DPP10: variants seen among roughly 807,000 people sequenced by gnomAD.
DPP10 encodes the protein inactive dipeptidyl peptidase 10.
A neutral mutation model predicts 120.9 loss-of-function variants in DPP10; 33 were observed. That is an observed-to-expected ratio of 0.27 (90% CI 0.21 to 0.37). The LOEUF (loss-of-function observed/expected upper bound fraction) is 0.37. Ranked by LOEUF, DPP10 falls within the 10% of genes least tolerant of loss-of-function variation. The pLI is 1.00. For synonymous variants in DPP10, 337 were observed against 326.1 expected, an observed-to-expected ratio of 1.03 and a Z score of -0.36; for missense variants, 816 against 942.8, an observed-to-expected ratio of 0.87 and a Z score of 1.76.
chr2:115,127,409 C>A (rs1163825306), intron 1 of DPP10, among the ~76,000 whole-genome samples: 1 of 152,188 alleles, frequency 6.6e-6, no homozygotes, highest in African/African-American at 2.4e-5. Context: ...TGCTTAGACT[C>A]ACAGAGGGAG....
At chr2:115,509,987 G>A (rs4556986) in intron 4 of DPP10, among the ~76,000 whole-genome samples, 30,437 of 151,970 alleles carry the variant, frequency 0.2, 3,748 homozygotes, top group East Asian at 0.39. Flanking sequence ...TGTGCTTATT[G>A]ATCATTTGTA....
chr2:115,006,009 A>C (rs1309489526), intron 1 of DPP10, among the ~76,000 whole-genome samples: 1 of 152,134 alleles, frequency 6.6e-6, no homozygotes, highest in African/African-American at 2.4e-5. Context: ...TCAGACTAAC[A>C]GTGGATCTCT....
At chr2:114,720,835 C>G (rs1701658793) in intron 1 of DPP10, among the ~76,000 whole-genome samples, 1 of 152,166 alleles carries the variant, frequency 6.6e-6, no homozygotes, top group South Asian at 2.1e-4. Flanking sequence ...TGAGCTGCAG[C>G]TATAACTGGC....
chr2:115,801,436 G>A (rs187580372), intron 19 of DPP10, among the ~76,000 whole-genome samples: 190 of 151,940 alleles, frequency 1.3e-3, no homozygotes, highest in African/African-American at 4.1e-3. Flanking sequence ...TTCCTTTGTC[G>A]TGCCTGATTG....
intron 3 of DPP10, among the ~76,000 whole-genome samples, chr2:115,372,346 T>C (rs987483846): frequency 4.6e-5 from 7 of 152,174 alleles, no homozygotes; most frequent in African/African-American, 1.7e-4. Flanking sequence ...GGCTATTTCT[T>C]TGGCTTCTGA....
At chr2:115,286,715 A>G (rs889029897) in intron 1 of DPP10, among the ~76,000 whole-genome samples, 2 of 150,476 alleles carry the variant, frequency 1.3e-5, no homozygotes, top group African/African-American at 2.4e-5. Context: ...TTATTGTTAT[A>G]TCTTTCCTTA....
At chr2:115,232,470 C>T (rs1355151737) in intron 1 of DPP10, among the ~76,000 whole-genome samples, 1 of 152,124 alleles carries the variant, frequency 6.6e-6, no homozygotes, top group Non-Finnish European at 1.5e-5. Context: ...TTTCACTGAC[C>T]ATAGGTTTTG....
chr2:115,175,492 C>T (rs2053628804), intron 1 of DPP10, among the ~76,000 whole-genome samples: 1 of 152,142 alleles, frequency 6.6e-6, no homozygotes, highest in Admixed American at 6.5e-5. Flanking sequence ...AAGCTACTTC[C>T]CTTCCCTTGC....
intron 1 of DPP10, among the ~76,000 whole-genome samples, chr2:115,062,238 T>C (rs1706476845): frequency 6.6e-6 from 1 of 151,940 alleles, no homozygotes; most frequent in Non-Finnish European, 1.5e-5. Flanking sequence ...TTGAGTCTAA[T>C]GTCAAATAAA....
At chr2:115,638,660 T>C (rs1258003260) in intron 5 of DPP10, among the ~76,000 whole-genome samples, 1 of 152,242 alleles carries the variant, frequency 6.6e-6, no homozygotes, top group African/African-American at 2.4e-5. Context: ...AAATGGATTT[T>C]GTCTCCATTG....
intron 1 of DPP10, among the ~76,000 whole-genome samples, chr2:114,892,364 G>C (rs758444749): frequency 6.6e-6 from 1 of 152,140 alleles, no homozygotes; most frequent in Admixed American, 6.5e-5. Context: ...GATTTCATAT[G>C]CCAATTTCCT....
intron 19 of DPP10, among the ~76,000 whole-genome samples, chr2:115,797,965 A>G (rs1684731544): frequency 6.6e-6 from 1 of 151,622 alleles, no homozygotes. Context: ...GTATATATAT[A>G]TATACACACG....
In DPP10 at chr2:115,684,087, T is replaced by A. The variant is rs557619600; in HGVS notation, c.442-5600T>A. On this transcript the variant is annotated intron_variant, in intron 5 of 25. Transcript: ENST00000410059. ...TATCCTTTTAAGGTTATAGTGAACA[T>A]TAAGTAAGAAATATTTTGAAGTAGT... Among the ~76,000 whole-genome samples, 5 of 151,986 alleles carry A rather than the reference T, an allele frequency of 3.3e-5. No homozygotes were observed. The East Asian group carries it at 9.6e-4, about 29-fold the overall frequency.
In DPP10 at chr2:114,554,865, C is replaced by G. The variant is rs551341890; in HGVS notation, c.60+112027C>G. Among the ~76,000 whole-genome samples the G allele has an allele frequency of 8.1e-4, 124 of 152,266 alleles. 1 individual carries two copies. Among genetic ancestry groups the G allele is most frequent in the Non-Finnish European group, 1.5e-3 (103 of 68,010 alleles). The stretch of plus-strand genomic sequence containing the variant: ...TCTGATTAATCCCTTTGCTACCACC[C>G]TCAACTCAAAGCATTACAGGTAGGA... On this transcript the variant is annotated intron_variant, in intron 1 of 25. Coordinates refer to ENST00000410059, the MANE Select transcript of DPP10 (RefSeq NM_020868.6).
rs544432194 is a variant in DPP10 at position 115,148,069 on chromosome 2, T to A, written c.61-161170T>A. Among the ~76,000 whole-genome samples, 227 of 152,254 alleles carry A rather than the reference T, an allele frequency of 1.5e-3. 2 individuals are homozygous for A. Among genetic ancestry groups the A allele is most frequent in the African/African-American group, 5.1e-3 (213 of 41,544 alleles). On this transcript the variant is annotated intron_variant, in intron 1 of 25. Coordinates refer to ENST00000410059, the MANE Select transcript of DPP10 (RefSeq NM_020868.6). ...TGCAGCTACAAAATTGCAGACTGAG[T>A]ACTACAGTCTTTTAAACAAGCCTGT...
intron 1 of DPP10, among the ~76,000 whole-genome samples, chr2:114,720,113 C>T (rs1011653575): frequency 2.0e-5 from 3 of 152,046 alleles, no homozygotes; most frequent in African/African-American, 7.2e-5. Context: ...AAGGGAACTT[C>T]GGAGAACAGC....
chr2:115,707,046 C>T lies in DPP10; in HGVS notation c.576+17125C>T, dbSNP rs116543733. Among the ~76,000 whole-genome samples, 304 of 151,926 alleles carry T rather than the reference C, an allele frequency of 2.0e-3. 1 individual carries two copies. Among genetic ancestry groups the T allele is most frequent in the African/African-American group, 6.4e-3 (265 of 41,492 alleles). On this transcript the variant is annotated intron_variant, in intron 7 of 25. Transcript: ENST00000410059. ...GCTACAGCCTAATCTATAATCTCAACGGAACATAGAGTAAAAAGAAATCCA... is the reference window on the plus strand; with the variant it reads ...GCTACAGCCTAATCTATAATCTCAATGGAACATAGAGTAAAAAGAAATCCA...
At chr2:115,241,425 A>G (rs971701451) in intron 1 of DPP10, among the ~76,000 whole-genome samples, 7 of 152,244 alleles carry the variant, frequency 4.6e-5, no homozygotes, top group African/African-American at 9.6e-5. Flanking sequence ...CTGCAAAAGC[A>G]TAATCCATCT....
intron 1 of DPP10, among the ~76,000 whole-genome samples, chr2:114,993,580 G>GTGTATATATATATATATATATATA (rs71394121): frequency 1.8e-4 from 18 of 97,340 alleles, no homozygotes; most frequent in African/African-American, 3.0e-4. Context: ...GTGTGTGTGT[G>GTGTATATATATATATATATATATA]TATATATATA....
Sources: gnomAD v4.1 joint callset for allele counts (sites outside exome capture counted in the v4.1 genomes callset) on GRCh38, gnomAD v4.1.1 for gene constraint, MANE v1.5 for transcripts, NCBI Gene and HGNC (gene_info 2026-07-23, HGNC 2026-07-21) for gene names.